The following NUP210 variants were observed in gnomAD, a reference collection of about 807,000 sequenced individuals.
NUP210 encodes the protein nucleoporin 210.
NUP210 carries 151 observed loss-of-function variants against 196.0 expected under a neutral mutation model. The ratio of observed to expected loss-of-function variants is 0.77; its 90% CI spans 0.67 to 0.88. The LOEUF is 0.88. NUP210 is among the 40% of genes least tolerant of loss of function. The pLI is 0.00. For synonymous variants in NUP210, 1,070 were observed against 1,052.7 expected (o/e 1.02, Z -0.32); for missense variants, 2,314 against 2,493.7 (o/e 0.93, Z 1.53).
chr3:13,331,381 T>C (rs1232973091), intron 29 of NUP210, among the ~76,000 whole-genome samples: 1 of 152,198 alleles, frequency 6.6e-6, no homozygotes, highest in Non-Finnish European at 1.5e-5. Flanking sequence ...GCCCTATAGA[T>C]GACTAGGAGC....
At chr3:13,343,327 A>AGGGGGGGG in intron 20 of NUP210, 24 bp from the exon 21 acceptor site, 5 of 183,884 alleles carry the variant, frequency 2.7e-5, no homozygotes, top group Admixed American at 6.7e-5. Flanking sequence ...GCGGAGGTGG[A>AGGGGGGGG]GGGGTGGGTG....
At chr3:13,325,656 G>T in intron 33 of NUP210, 139 bp downstream of exon 33, 1 of 967,532 alleles carries the variant, frequency 1.0e-6, no homozygotes, top group Non-Finnish European at 1.6e-6. Context: ...CAAGTGGCCA[G>T]TCCCAGACTC....
At position 13,360,472 on chromosome 3, in the gene NUP210, A is replaced by G; in HGVS notation, c.1952T>C (p.Val651Ala). ...TGAGGAGCCCAGGGTTACCAAGGCA[A>G]CAGAGGAGGGATCCACAGCCTGGGG... The part of the protein sequence containing the change: ...LPLKAVDPSS[V>A]ALVTLGSSKE... Residue 651 changes from valine (V) to alanine (A), a missense_variant, in exon 15 of 40, where the codon GTT becomes GCT. By Grantham distance (64) the Val-to-Ala change is moderately conservative. Transcript: ENST00000254508. The G allele has an allele frequency of 6.2e-7, 1 of 1,611,274 alleles. No individual in the cohort carries two copies.
intron 28 of NUP210, among the ~76,000 whole-genome samples, chr3:13,333,985 G>A (rs1258259973): frequency 6.6e-6 from 1 of 152,130 alleles, no homozygotes; most frequent in African/African-American, 2.4e-5. Context: ...ACTGGAGAGT[G>A]CAGCTCTAAT....
At chr3:13,405,094 G>A (rs1699963139) in intron 1 of NUP210, among the ~76,000 whole-genome samples, 1 of 152,168 alleles carries the variant, frequency 6.6e-6, no homozygotes, top group African/African-American at 2.4e-5. Context: ...TAACTTGACT[G>A]AGCCACAGTG....
In NUP210 at chr3:13,319,846, G is replaced by A. The variant is rs1245164936; in HGVS notation, c.5300C>T (p.Thr1767Ile). 6.2e-7 allele frequency: 1 copy of A among 1,614,120 alleles called. No individual in the cohort carries two copies. The highest frequency in any genetic ancestry group is 8.5e-7 in the Non-Finnish European group (1 of 1,180,058). ...GSQGPLSTTLTFSSPVTNQAI... is the reference protein window; with the variant it reads ...GSQGPLSTTLIFSSPVTNQAI... The stretch of plus-strand genomic sequence containing the variant: ...TTGGTTGGTCACGGGGCTGGAGAAG[G>A]TCAGGGTAGTGGACAGAGGCCCTTG... The change falls in exon 37 of 40, where the codon ACC becomes ATC. Residue 1767 changes from threonine to isoleucine, a missense_variant. Physicochemically the swap from Thr to Ile is moderately conservative, Grantham distance 89. Transcript: ENST00000254508.
rs543886169 is a variant in NUP210 at position 13,325,142 on chromosome 3, C to A, written c.4644+653G>T. Among the ~76,000 whole-genome samples the A allele has an allele frequency of 2.6e-5, 4 of 152,336 alleles. No homozygotes were observed. The East Asian group carries it at 7.7e-4, about 29-fold the overall frequency. On this transcript the variant is annotated intron_variant, in intron 33 of 39. Transcript: ENST00000254508. ...ACACCCTCTGTTCCAGCCCCCGAGGCTCTGCCCTTGAACCCTACACACCTT... is the reference window on the plus strand; with the variant it reads ...ACACCCTCTGTTCCAGCCCCCGAGGATCTGCCCTTGAACCCTACACACCTT...
At chr3:13,343,087 G>C in intron 21 of NUP210, 88 bp downstream of exon 21, 1 of 1,513,704 alleles carries the variant, frequency 6.6e-7, no homozygotes, top group South Asian at 1.2e-5. Flanking sequence ...CAAAAGCAAA[G>C]GCCATGCGGA....
intron 9 of NUP210, 27 bp downstream of exon 9, chr3:13,377,429 C>G (rs375798801): frequency 7.1e-6 from 11 of 1,539,668 alleles, no homozygotes; most frequent in Non-Finnish European, 9.9e-6. Context: ...CCTCATCCCC[C>G]CAGCCAGGAC....
At chr3:13,417,114 A>C (rs952950159) in intron 1 of NUP210, among the ~76,000 whole-genome samples, 2 of 152,204 alleles carry the variant, frequency 1.3e-5, no homozygotes, top group Non-Finnish European at 2.9e-5. Context: ...CTGGCAAATT[A>C]GCCAGAGGCT....
intron 20 of NUP210, among the ~76,000 whole-genome samples, chr3:13,344,101 T>A (rs1167604357): frequency 3.3e-5 from 5 of 152,166 alleles, no homozygotes; most frequent in Admixed American, 3.3e-4. Flanking sequence ...AAGGCTGGAG[T>A]GCAGTGACGG....
Position 13,347,431 on chromosome 3 carries a change from C to T in NUP210, c.2836-4128G>A, listed in dbSNP as rs1576368991. 2.0e-5 allele frequency: 14 copies of T among 690,354 alleles called. No homozygotes were observed. The highest frequency in any genetic ancestry group is 2.5e-5 in the Non-Finnish European group (14 of 560,598). The allele number at this position is 690,354 out of a possible 1,614,324, so 42.8% of individuals were successfully genotyped here. On this transcript the variant is annotated intron_variant, in intron 20 of 39. Transcript: ENST00000254508. The surrounding 1 kb of genome is among the most constrained non-coding windows in gnomAD (Gnocchi z 4.7). ...AACTTAGGCTTAAATCGGATAAACA[C>T]TCCTATGTGCAAACCAGCCGAAAAC...
At position 13,351,989 on chromosome 3, in the gene NUP210, G is replaced by A. The variant is rs199799778; in HGVS notation, c.2734-9C>T. ...CTGATGCGGAGCTCTGCCTGCAGGA[G>A]GCAGATGCAGGGAGGGTTGGGCCGC... On this transcript the variant is annotated splice_polypyrimidine_tract_variant and intron_variant, in intron 19 of 39. Transcript: ENST00000254508. 7.5e-6 allele frequency: 12 copies of A among 1,609,182 alleles called. No individual in the cohort carries two copies. Among genetic ancestry groups the A allele is most frequent in the Middle Eastern group, 1.7e-4 (1 of 6,054 alleles).
At chr3:13,403,233 C>T (rs1576422886) in intron 1 of NUP210, among the ~76,000 whole-genome samples, 2 of 152,124 alleles carry the variant, frequency 1.3e-5, no homozygotes, top group African/African-American at 4.8e-5. Context: ...AGGGTTTTTC[C>T]AACAACAGAA....
intron 14 of NUP210, among the ~76,000 whole-genome samples, chr3:13,362,144 C>G (rs1698392523): frequency 6.6e-6 from 1 of 152,146 alleles, no homozygotes; most frequent in South Asian, 2.1e-4. Context: ...CCTTCTCTGT[C>G]TGTGGCATGA....
chr3:13,332,950 G>A (rs1367344307), intron 28 of NUP210, among the ~76,000 whole-genome samples: 1 of 152,204 alleles, frequency 6.6e-6, no homozygotes, highest in Non-Finnish European at 1.5e-5. Context: ...CTGAGCCTGG[G>A]CAAGGTGCCA....
intron 32 of NUP210, 36 bp from the exon 33 acceptor site, chr3:13,325,967 T>C (rs751942450): frequency 1.1e-5 from 17 of 1,608,804 alleles, no homozygotes; most frequent in South Asian, 3.3e-5. Context: ...CCCCTTTCCA[T>C]AGCTGGACAC....
chr3:13,402,231 T>C (rs1202105002), intron 1 of NUP210, among the ~76,000 whole-genome samples: 1 of 151,920 alleles, frequency 6.6e-6, no homozygotes, highest in Non-Finnish European at 1.5e-5. Context: ...AATGAATAAA[T>C]ATAAAGAATA....
Position 13,317,712 on chromosome 3 carries a change from C to A in NUP210, c.5633G>T (p.Gly1878Val), listed in dbSNP as rs1175083952. 14 of 1,611,302 alleles carry A rather than the reference C, an allele frequency of 8.7e-6. No individual in the cohort carries two copies. Among genetic ancestry groups the A allele is most frequent in the Non-Finnish European group, 1.2e-5 (14 of 1,179,024 alleles). Residue 1878 changes from glycine to valine, a missense_variant, in exon 40 of 40, where the codon GGG becomes GTG. Coordinates refer to ENST00000254508, the MANE Select transcript of NUP210 (RefSeq NM_024923.4). ...GGAGGCATAGGCTGGGCTCCACAGCCCTGAGGGAGGGCTGGCTTTGCGAGC... is the reference window on the plus strand; with the variant it reads ...GGAGGCATAGGCTGGGCTCCACAGCACTGAGGGAGGGCTGGCTTTGCGAGC... ...PPARKASPPS[G>V]LWSPAYASH
Sources: allele counts gnomAD v4.1 joint callset (sites outside exome capture counted in the v4.1 genomes callset), GRCh38; gene constraint gnomAD v4.1.1; non-coding constraint Gnocchi (gnomAD v3.1); transcripts MANE v1.5; gene names NCBI Gene and HGNC (gene_info 2026-07-23, HGNC 2026-07-21).